APPL2: variants seen among roughly 807,000 people sequenced by gnomAD.
The protein encoded by APPL2 is adaptor protein, phosphotyrosine interacting with PH domain and leucine zipper 2.
Under a neutral mutation model 92.7 loss-of-function variants are expected in APPL2, and 84 were observed. The ratio of observed to expected loss-of-function variants is 0.91; its 90% CI spans 0.76 to 1.09. The LOEUF is 1.09. APPL2 is among the 50% of genes least tolerant of loss of function. APPL2 has a pLI of 0.00. For synonymous variants in APPL2, 291 were observed against 291.0 expected (o/e 1.00, Z 0.00); for missense variants, 736 against 824.5 (o/e 0.89, Z 1.31).
In APPL2 at chr12:105,195,618, G is replaced by T. The variant is rs1887573254; in HGVS notation, c.1062C>A (p.Ile354=). The T allele has an allele frequency of 8.1e-6, 13 of 1,614,046 alleles. No homozygotes were observed. The highest frequency in any genetic ancestry group is 1.3e-5 in the African/African-American group (1 of 74,936). ...TTTCCTTTCTGCTCTCAGCCTGGAGGATTATTCCCCTGAAACAAAAGTGTC... is the reference window on the plus strand; with the variant it reads ...TTTCCTTTCTGCTCTCAGCCTGGAGTATTATTCCCCTGAAACAAAAGTGTC... ...ITTPNGKSGI[I]LQAESRKENE... The change falls in exon 12 of 21, where the codon ATC becomes ATA. Residue 354 remains isoleucine, a synonymous_variant. Coordinates refer to ENST00000258530, the MANE Select transcript of APPL2 (RefSeq NM_018171.5).
chr12:105,212,368 T>C (rs1226021968), intron 4 of APPL2, among the ~76,000 whole-genome samples: 1 of 152,234 alleles, frequency 6.6e-6, no homozygotes. Context: ...ACTTTTTGCA[T>C]GCCAGCTTTA....
At chr12:105,216,156 T>G (rs933770428) in intron 4 of APPL2, among the ~76,000 whole-genome samples, 5 of 152,172 alleles carry the variant, frequency 3.3e-5, no homozygotes, top group African/African-American at 1.2e-4. Flanking sequence ...TAATACCTGG[T>G]TTCGTTTTTT....
At chr12:105,201,068 C>T (rs1217689438) in intron 9 of APPL2, among the ~76,000 whole-genome samples, 7 of 152,208 alleles carry the variant, frequency 4.6e-5, no homozygotes, top group Admixed American at 3.9e-4. Context: ...ACCACCACAC[C>T]CAGCTCATTT....
intron 1 of APPL2, among the ~76,000 whole-genome samples, chr12:105,230,647 C>T (rs528006829): frequency 1.5e-4 from 23 of 152,154 alleles, no homozygotes; most frequent in Non-Finnish European, 3.2e-4. Flanking sequence ...CCCCAAAGCA[C>T]CCTCAAAAAA....
chr12:105,175,944 G>C (rs1285616196), intron 20 of APPL2, 91 bp downstream of exon 20: 3 of 1,281,596 alleles, frequency 2.3e-6, no homozygotes, highest in Admixed American at 5.6e-5. Flanking sequence ...ACTTTCCAGT[G>C]AACATCACTT....
intron 17 of APPL2, among the ~76,000 whole-genome samples, chr12:105,181,856 CTTCT>C (rs1433267911): frequency 1.2e-4 from 19 of 152,178 alleles, no homozygotes; most frequent in Non-Finnish European, 2.1e-4. Context: ...TCTCTCTTTT[CTTCT>C]TTATTAGTCT....
Position 105,197,861 on chromosome 12 carries a change from C to T in APPL2, c.956G>A (p.Gly319Glu). ...LMCQPRGAVAGGLIQDLDNCS... is the reference protein window; with the variant it reads ...LMCQPRGAVAEGLIQDLDNCS... The stretch of plus-strand genomic sequence containing the variant: ...GTTGTCCAGGTCCTGGATCAAACCT[C>T]CAGCCACGGCTCCCCTGGGCTGACA... Residue 319 changes from glycine (G) to glutamate (E), a missense_variant, in exon 11 of 21, where the codon GGA becomes GAA. Coordinates refer to ENST00000258530, the MANE Select transcript of APPL2 (RefSeq NM_018171.5). 2.5e-6 allele frequency: 4 copies of T among 1,614,226 alleles called. No individual in the cohort carries two copies. The highest frequency in any genetic ancestry group is 3.4e-6 in the Non-Finnish European group (4 of 1,180,054).
At chr12:105,179,387 T>C (rs1459170896) in intron 17 of APPL2, among the ~76,000 whole-genome samples, 2 of 152,216 alleles carry the variant, frequency 1.3e-5, no homozygotes, top group African/African-American at 4.8e-5. Context: ...AGTCTATCAT[T>C]GATGGGCATT....
Position 105,195,626 on chromosome 12 carries a change from C to T in APPL2, c.1054G>A (p.Gly352Arg), listed in dbSNP as rs375176995. 1.9e-5 allele frequency: 30 copies of T among 1,614,126 alleles called. No individual in the cohort carries two copies. In the South Asian group the frequency reaches 3.0e-4, roughly 16 times the overall value. ...FQITTPNGKSGIILQAESRKE... is the reference protein window; with the variant it reads ...FQITTPNGKSRIILQAESRKE... ...CTGCTCTCAGCCTGGAGGATTATTC[C>T]CCTGAAACAAAAGTGTCTAAGTAAT... Residue 352 changes from glycine to arginine, a missense_variant and splice_region_variant, in exon 12 of 21, where the codon GGA becomes AGA. By Grantham distance (125) the Gly-to-Arg change is moderately radical. Transcript: ENST00000258530.
rs528025881 is a variant in APPL2, at chr12:105,226,984, G to C, written c.153+2141C>G. ...AAAAGAAAAAAAATTAGCTGGGTGT[G>C]GTGGTGTGCACCTGTAGTCCTAGCT... On this transcript the variant is annotated intron_variant, in intron 2 of 20. Coordinates refer to ENST00000258530, the MANE Select transcript of APPL2 (RefSeq NM_018171.5). 5.6e-4 allele frequency among the ~76,000 whole-genome samples: 85 copies of C among 152,156 alleles called. 1 individual carries two copies. The highest frequency in any genetic ancestry group is 2.0e-3 in the African/African-American group (81 of 41,504).
At position 105,207,182 on chromosome 12, in the gene APPL2, ACCT is replaced by A; in HGVS notation, c.497_499del (p.Glu166del). ...GTGCTGCTTCCGCCGGGCCGCGGCC[ACCT>A]CTTTTCCGACTTCGGTCTTCACCTG... On this transcript the variant is annotated inframe_deletion, in exon 8 of 21. Coordinates refer to ENST00000258530, the MANE Select transcript of APPL2 (RefSeq NM_018171.5). 1.2e-6 allele frequency: 2 copies of A among 1,613,788 alleles called. No individual in the cohort carries two copies. Among genetic ancestry groups the A allele is most frequent in the South Asian group, 2.2e-5 (2 of 91,010 alleles).
chr12:105,208,588 C>A (rs1479168920), intron 5 of APPL2, among the ~76,000 whole-genome samples: 5 of 152,202 alleles, frequency 3.3e-5, no homozygotes, highest in Non-Finnish European at 7.3e-5. Context: ...CTTTCTACAC[C>A]CAGAACCTAA....
chr12:105,220,731 A>G (rs1890034285), intron 2 of APPL2, among the ~76,000 whole-genome samples: 1 of 152,242 alleles, frequency 6.6e-6, no homozygotes, highest in Non-Finnish European at 1.5e-5. Flanking sequence ...AAGACCTGCC[A>G]GGGAACTGCC....
Position 105,197,879 on chromosome 12 carries a change from G to GGCT in APPL2, c.935_937dup (p.Gln312dup). 6.2e-7 allele frequency: 1 copy of GGCT among 1,614,150 alleles called. No homozygotes were observed. Among genetic ancestry groups the GGCT allele is most frequent in the Non-Finnish European group, 8.5e-7 (1 of 1,180,030 alleles). ...CAAACCTCCAGCCACGGCTCCCCTG[G>GGCT]GCTGACACATGAGATTCCCGCCTTG... On this transcript the variant is annotated inframe_insertion, in exon 11 of 21. Coordinates refer to ENST00000258530, the MANE Select transcript of APPL2 (RefSeq NM_018171.5).
intron 19 of APPL2, among the ~76,000 whole-genome samples, chr12:105,176,644 G>A (rs1885571134): frequency 6.6e-6 from 1 of 152,086 alleles, no homozygotes; most frequent in South Asian, 2.1e-4. Context: ...AATATGTCTT[G>A]CCATGAAATT....
Position 105,176,034 on chromosome 12 carries a change from C to A in APPL2, c.1860+1G>T. The A allele has an allele frequency of 6.3e-7, 1 of 1,587,182 alleles. No individual in the cohort carries two copies. The highest frequency in any genetic ancestry group is 8.5e-7 in the Non-Finnish European group (1 of 1,169,630). On this transcript the variant is annotated splice_donor_variant, in intron 20 of 20. Transcript: ENST00000258530. LOFTEE classifies it high-confidence loss of function. The stretch of plus-strand genomic sequence containing the variant: ...TAAACCAGCGCTAGAATGCATCTTA[C>A]CTTCTGAACCTCAATAATTTCTTTT...
chr12:105,197,418 A>G (rs1887754201), intron 11 of APPL2, among the ~76,000 whole-genome samples: 1 of 152,172 alleles, frequency 6.6e-6, no homozygotes, highest in African/African-American at 2.4e-5. Flanking sequence ...ATCCAAACAC[A>G]AATGCTTCTT....
chr12:105,218,721 T>G (rs1889883364), intron 2 of APPL2, among the ~76,000 whole-genome samples: 1 of 152,182 alleles, frequency 6.6e-6, no homozygotes, highest in Non-Finnish European at 1.5e-5. Flanking sequence ...CAGTGGGGAC[T>G]GAAGCAGCAT....
chr12:105,183,987 C>T (rs190530026), intron 17 of APPL2, among the ~76,000 whole-genome samples: 218 of 152,274 alleles, frequency 1.4e-3, no homozygotes, highest in African/African-American at 5.0e-3. Context: ...ATCTTGTCTT[C>T]ACACTTTATT....
Sources: allele counts gnomAD v4.1 joint callset (sites outside exome capture counted in the v4.1 genomes callset), GRCh38; gene constraint gnomAD v4.1.1; transcripts MANE v1.5; gene names NCBI Gene and HGNC (gene_info 2026-07-23, HGNC 2026-07-21).